KIF1A: variants seen among roughly 807,000 people sequenced by gnomAD.
The protein encoded by KIF1A is kinesin family member 1A, also known as kinesin-like protein KIF1A.
KIF1A carries 46 observed loss-of-function variants against 227.3 expected under a neutral mutation model. The observed-to-expected ratio is 0.20, with a 90% confidence interval of 0.16 to 0.26. The LOEUF is 0.26. Ranked by LOEUF, KIF1A falls within the 10% of genes least tolerant of loss-of-function variation. The pLI is 1.00. For synonymous variants in KIF1A, 1,022 were observed against 1,012.8 expected, an observed-to-expected ratio of 1.01 and a Z score of -0.17; for missense variants, 1,683 against 2,485.9, an observed-to-expected ratio of 0.68 and a Z score of 6.87.
At chr2:240,797,907 C>G (rs1268758046) in intron 1 of KIF1A, 95 bp from the exon 2 acceptor site, 1 of 594,632 alleles carries the variant, frequency 1.7e-6, no homozygotes, top group Non-Finnish European at 3.0e-6. Flanking sequence ...TTTCCACTCC[C>G]CTCCAAAGCT....
At chr2:240,727,265 G>C (rs2046128041) in intron 38 of KIF1A, among the ~76,000 whole-genome samples, 1 of 152,228 alleles carries the variant, frequency 6.6e-6, no homozygotes, top group Admixed American at 6.5e-5. Context: ...AGAGAGGGAA[G>C]GGAGGAGGGA....
chr2:240,722,197 T>C (rs539915939), intron 43 of KIF1A, among the ~76,000 whole-genome samples: 4 of 152,288 alleles, frequency 2.6e-5, no homozygotes, highest in African/African-American at 7.2e-5. Flanking sequence ...GTGGAAGTGG[T>C]GAGCTCCCCA....
At chr2:240,742,887 G>A (rs1460664882) in intron 34 of KIF1A, 42 bp downstream of exon 34, 6 of 1,539,896 alleles carry the variant, frequency 3.9e-6, no homozygotes, top group African/African-American at 1.4e-5. Context: ...CCACAGTGAG[G>A]GGAGCTCACT....
In KIF1A at chr2:240,755,626, G is replaced by A. The variant is rs564309218; in HGVS notation, c.2858+1693C>T. Among the ~76,000 whole-genome samples, 358 of 152,298 alleles carry A rather than the reference G, an allele frequency of 2.4e-3. 1 individual carries two copies. The highest frequency in any genetic ancestry group is 7.6e-3 in the African/African-American group (315 of 41,562). On this transcript the variant is annotated intron_variant, in intron 27 of 48. Coordinates refer to ENST00000498729, the MANE Select transcript of KIF1A (RefSeq NM_001244008.2). ...AATGAAGCCCTTCACAGACCACCCC[G>A]CAATATGGGGGCCAGGTCTCTCTTT... is the stretch of plus-strand genomic sequence containing the variant.
At position 240,792,828 on chromosome 2, in the gene KIF1A, G is replaced by A. The variant is rs1052048241; in HGVS notation, c.107-3516C>T. 1.3e-5 allele frequency among the ~76,000 whole-genome samples: 2 copies of A among 152,130 alleles called. No individual in the cohort carries two copies. Among genetic ancestry groups the A allele is most frequent in the Non-Finnish European group, 2.9e-5 (2 of 68,018 alleles). On this transcript the variant is annotated intron_variant, in intron 2 of 48. Coordinates refer to ENST00000498729, the MANE Select transcript of KIF1A (RefSeq NM_001244008.2). The surrounding 1 kb of genome is among the most constrained non-coding windows in gnomAD (Gnocchi z 4.5). ...ATGAGTGGCTTTAAAGGAGGGGAAGGGACCCGAGCTCCCTGGGCCAGGCAA... is the reference window on the plus strand; with the variant it reads ...ATGAGTGGCTTTAAAGGAGGGGAAGAGACCCGAGCTCCCTGGGCCAGGCAA...
At chr2:240,774,289 A>C in intron 11 of KIF1A, 28 bp from the exon 12 acceptor site, 2 of 1,533,076 alleles carry the variant, frequency 1.3e-6, no homozygotes, top group Non-Finnish European at 1.8e-6. Flanking sequence ...GGTTGTGCCC[A>C]GAGGGGGATC....
At chr2:240,755,356 G>A (rs1299831748) in intron 27 of KIF1A, among the ~76,000 whole-genome samples, 2 of 152,238 alleles carry the variant, frequency 1.3e-5, no homozygotes, top group Admixed American at 1.3e-4. Context: ...TGGCGGGAGG[G>A]AGGGAGGAGG....
At chr2:240,751,484 C>A (rs1283130960) in intron 27 of KIF1A, among the ~76,000 whole-genome samples, 1 of 152,132 alleles carries the variant, frequency 6.6e-6, no homozygotes, top group Non-Finnish European at 1.5e-5. Context: ...CCTGACCTTG[C>A]TCCCTCCACA....
intron 1 of KIF1A, among the ~76,000 whole-genome samples, chr2:240,808,419 G>A (rs1330855053): frequency 6.6e-6 from 1 of 152,018 alleles, no homozygotes; most frequent in East Asian, 1.9e-4. Context: ...AGCTACCATG[G>A]AGGCTGAGGT....
At chr2:240,815,443 A>G (rs1025819474) in intron 1 of KIF1A, among the ~76,000 whole-genome samples, 2 of 152,080 alleles carry the variant, frequency 1.3e-5, no homozygotes. Context: ...GCATTTCAGG[A>G]GCCCCACGGG....
At chr2:240,819,578 C>G (rs2058577665) in intron 1 of KIF1A, among the ~76,000 whole-genome samples, 1 of 151,278 alleles carries the variant, frequency 6.6e-6, no homozygotes, top group African/African-American at 2.4e-5. Context: ...GGAACCGGAG[C>G]AGCTGCCCGC....
intron 43 of KIF1A, 32 bp from the exon 44 acceptor site, chr2:240,721,916 C>T: frequency 6.4e-7 from 1 of 1,571,122 alleles, no homozygotes. Context: ...GGTCAGGGGC[C>T]AGGCCTCCCG....
intron 40 of KIF1A, 112 bp from the exon 41 acceptor site, chr2:240,724,148 G>T (rs2045719983): frequency 2.2e-6 from 2 of 908,320 alleles, no homozygotes; most frequent in Non-Finnish European, 1.8e-6. Context: ...GCCTGGCTGG[G>T]GTGATGGGGT....
chr2:240,791,587 C>T (rs984135713), intron 2 of KIF1A, among the ~76,000 whole-genome samples: 1 of 151,940 alleles, frequency 6.6e-6, no homozygotes, highest in African/African-American at 2.4e-5. Context: ...GCCCCCATCC[C>T]CACACCCCCA....
chr2:240,807,161 G>A (rs908022237), intron 1 of KIF1A, among the ~76,000 whole-genome samples: 2 of 150,572 alleles, frequency 1.3e-5, no homozygotes, highest in Non-Finnish European at 2.9e-5. Context: ...TACACAGAGA[G>A]AGAGAGAGAG....
At chr2:240,791,108 GACTGACCATC>G (rs2055610528) in intron 2 of KIF1A, among the ~76,000 whole-genome samples, 1 of 152,076 alleles carries the variant, frequency 6.6e-6, no homozygotes. Flanking sequence ...GGGAGCTGGG[GACTGACCATC>G]ACAGCCCTGT....
chr2:240,785,640 T>C (rs1268841172), intron 6 of KIF1A, among the ~76,000 whole-genome samples: 1 of 152,030 alleles, frequency 6.6e-6, no homozygotes, highest in Non-Finnish European at 1.5e-5. Flanking sequence ...TTCCCAAGAC[T>C]CAGCACATGG....
chr2:240,794,841 G>A (rs1480898863), intron 2 of KIF1A, among the ~76,000 whole-genome samples: 3 of 152,134 alleles, frequency 2.0e-5, no homozygotes, highest in Non-Finnish European at 4.4e-5. Flanking sequence ...TTCTTGGTGC[G>A]TCTTCGGCTA....
chr2:240,813,037 C>CCGCCTTCACCTCAAGGATCCACCTT (rs1365085831), intron 1 of KIF1A, among the ~76,000 whole-genome samples: 5 of 150,250 alleles, frequency 3.3e-5, no homozygotes, highest in Admixed American at 6.6e-5. Context: ...CCTCAAGGAT[C>CCGCCTTCACCTCAAGGATCCACCTT]CACTTGCTCC....
Sources: allele counts gnomAD v4.1 joint callset (sites outside exome capture counted in the v4.1 genomes callset), GRCh38; gene constraint gnomAD v4.1.1; non-coding constraint Gnocchi (gnomAD v3.1); transcripts MANE v1.5; gene names NCBI Gene and HGNC (gene_info 2026-07-23, HGNC 2026-07-21).